The following NR5A2 variants were observed in gnomAD, a reference collection of about 807,000 sequenced individuals.
The protein encoded by NR5A2 is nuclear receptor subfamily 5 group A member 2, also known as CYP7A promoter-binding factor.
In NR5A2, 26 loss-of-function variants were observed where a neutral mutation model predicts 62.7. The ratio of observed to expected loss-of-function variants is 0.41; its 90% CI spans 0.30 to 0.58. NR5A2 has a LOEUF of 0.58. NR5A2 is among the 20% of genes least tolerant of loss of function. NR5A2 has a pLI of 0.22. For synonymous variants in NR5A2, 246 were observed against 241.7 expected (o/e 1.02, Z -0.16); for missense variants, 541 against 669.1 (o/e 0.81, Z 2.11).
intron 7 of NR5A2, among the ~76,000 whole-genome samples, chr1:200,159,994 C>T (rs1653570606): frequency 1.3e-5 from 2 of 152,166 alleles, no homozygotes; most frequent in Non-Finnish European, 2.9e-5. Flanking sequence ...TCTTTAGTTT[C>T]ATGTAAACTT....
At position 200,039,918 on chromosome 1, in the gene NR5A2, C is replaced by T; in HGVS notation, c.202+123C>T. On this transcript the variant is annotated intron_variant, in intron 2 of 7. Transcript: ENST00000367362. The surrounding 1 kb of genome is among the most constrained non-coding windows in gnomAD (Gnocchi z 5.1). ...TAGCCCCGCTGGGCGCTCGCAGCCG[C>T]GGGAGTCAAGCCCCCTCCCCAGGTG... 2 of 1,116,666 alleles carry T rather than the reference C, an allele frequency of 1.8e-6. No individual in the cohort carries two copies. The highest frequency in any genetic ancestry group is 2.4e-6 in the Non-Finnish European group (2 of 825,522). The allele number at this position is 1,116,666 out of a possible 1,614,324, so 69.2% of individuals were successfully genotyped here.
Position 200,076,101 on chromosome 1 carries a change from G to GT in NR5A2, c.1110+27290dup, listed in dbSNP as rs201462053. 9.5e-3 allele frequency among the ~76,000 whole-genome samples: 1,440 copies of GT among 152,210 alleles called. 13 individuals are homozygous for GT. The highest frequency in any genetic ancestry group is 0.026 in the African/African-American group (1,086 of 41,546). Reference sequence around the variant, plus strand: ...CCAAGGACATAATAGACAAGAAACAGTTTTTTTCCTCCCCTTTCTTCAGAA... The same window carrying GT: ...CCAAGGACATAATAGACAAGAAACAGTTTTTTTTCCTCCCCTTTCTTCAGAA... On this transcript the variant is annotated intron_variant, in intron 5 of 7. Transcript: ENST00000367362.
chr1:200,048,163 C>A lies in NR5A2; in HGVS notation c.464-9C>A. The A allele has an allele frequency of 6.3e-7, 1 of 1,584,996 alleles. No homozygotes were observed. The highest frequency in any genetic ancestry group is 1.1e-5 in the South Asian group (1 of 87,312). ...CTTTCCTTCCTTCCCCCCACCCCAC[C>A]CCCAACAGCTGTAAGGGCCGACCGA... On this transcript the variant is annotated splice_polypyrimidine_tract_variant and intron_variant, in intron 4 of 7. Coordinates refer to ENST00000367362, the MANE Select transcript of NR5A2 (RefSeq NM_205860.3). The surrounding 1 kb of genome is among the most constrained non-coding windows in gnomAD (Gnocchi z 4.8).
chr1:200,060,721 C>T (rs1401656104), intron 5 of NR5A2, among the ~76,000 whole-genome samples: 2 of 152,140 alleles, frequency 1.3e-5, no homozygotes, highest in Non-Finnish European at 2.9e-5. Flanking sequence ...ATAATTTTCA[C>T]ATGCTACGTT....
chr1:200,109,529 A>C (rs1665840923), intron 5 of NR5A2, among the ~76,000 whole-genome samples: 1 of 152,128 alleles, frequency 6.6e-6, no homozygotes, highest in Admixed American at 6.6e-5. Flanking sequence ...CTGTGCCTCA[A>C]ATCCTTGTTT....
chr1:200,078,878 C>T (rs980369779), intron 5 of NR5A2, among the ~76,000 whole-genome samples: 7 of 152,098 alleles, frequency 4.6e-5, no homozygotes, highest in African/African-American at 1.2e-4. Flanking sequence ...TTCCTTTTAC[C>T]TTTACAATAA....
At chr1:200,115,486 C>T (rs1035028947) in intron 6 of NR5A2, among the ~76,000 whole-genome samples, 2 of 152,094 alleles carry the variant, frequency 1.3e-5, no homozygotes, top group African/African-American at 4.8e-5. Context: ...TGCAAAATTC[C>T]CCTAAAGGCA....
rs1286950304 is a variant in NR5A2, at chr1:200,039,155, A to T, written c.65-503A>T. Among the ~76,000 whole-genome samples the T allele has an allele frequency of 6.6e-6, 1 of 151,872 alleles. No homozygotes were observed. Among genetic ancestry groups the T allele is most frequent in the East Asian group, 1.9e-4 (1 of 5,166 alleles). The stretch of plus-strand genomic sequence containing the variant: ...TAGTGAGCAAGAGAGAGGCAGAGAG[A>T]GATAGGGGGAAGGGGCGGAGAGGAG... On this transcript the variant is annotated intron_variant, in intron 1 of 7. Coordinates refer to ENST00000367362, the MANE Select transcript of NR5A2 (RefSeq NM_205860.3). This position sits in a 1 kb window ranked among gnomAD's most constrained non-coding sequence, Gnocchi z 5.1.
intron 7 of NR5A2, among the ~76,000 whole-genome samples, chr1:200,135,326 G>A (rs1443735814): frequency 6.6e-6 from 1 of 152,104 alleles, no homozygotes; most frequent in Non-Finnish European, 1.5e-5. Context: ...TTCGAGACCA[G>A]CCTAGCCAAC....
intron 5 of NR5A2, chr1:200,058,292 GTT>G (rs1231967852): frequency 6.6e-6 from 1 of 152,046 alleles, no homozygotes; most frequent in Non-Finnish European, 1.5e-5. Context: ...TAAATGCCCT[GTT>G]TACAGCATGT....
intron 7 of NR5A2, among the ~76,000 whole-genome samples, chr1:200,151,065 G>A (rs1653083239): frequency 6.6e-6 from 1 of 152,134 alleles, no homozygotes. Flanking sequence ...GGAGTGTAAG[G>A]CATTTCAATT....
intron 5 of NR5A2, among the ~76,000 whole-genome samples, chr1:200,081,314 G>T (rs1018759157): frequency 6.6e-6 from 1 of 152,168 alleles, no homozygotes; most frequent in Non-Finnish European, 1.5e-5. Context: ...TCATTTTCAT[G>T]TTTGAAAAGT....
Position 200,060,980 on chromosome 1 carries a change from C to T in NR5A2, c.1110+12162C>T, listed in dbSNP as rs116214294. Among the ~76,000 whole-genome samples the T allele has an allele frequency of 7.8e-3, 1,162 of 149,076 alleles. 14 individuals carry two copies. The highest frequency in any genetic ancestry group is 0.026 in the African/African-American group (1,064 of 40,392). ...AAAAAAAATACAAAAATTAGCCTGG[C>T]ATGGCAGCGGCCACCTGTAATCCCA... On this transcript the variant is annotated intron_variant, in intron 5 of 7. Transcript: ENST00000367362.
chr1:200,070,727 C>T (rs776910592), intron 5 of NR5A2, among the ~76,000 whole-genome samples: 3 of 150,604 alleles, frequency 2.0e-5, no homozygotes, highest in Non-Finnish European at 4.4e-5. Flanking sequence ...AACTTTTAAT[C>T]AAAAATCTGT....
chr1:200,032,102 C>A (rs1477427267), intron 1 of NR5A2, among the ~76,000 whole-genome samples: 1 of 152,168 alleles, frequency 6.6e-6, no homozygotes, highest in Admixed American at 6.5e-5. Context: ...ACTAGGCAGG[C>A]AAGACAACTT....
chr1:200,115,288 G>A (rs527879537), intron 6 of NR5A2, among the ~76,000 whole-genome samples: 5 of 152,228 alleles, frequency 3.3e-5, no homozygotes, highest in African/African-American at 1.2e-4. Flanking sequence ...TATCTTAAAA[G>A]AGGATTTTTC....
At chr1:200,035,959 T>C (rs1285461970) in intron 1 of NR5A2, among the ~76,000 whole-genome samples, 24 of 152,224 alleles carry the variant, frequency 1.6e-4, no homozygotes, top group Non-Finnish European at 1.5e-5. Context: ...GGTTCTAGTC[T>C]CTGGTCTCCG....
At chr1:200,115,347 T>A (rs1171280802) in intron 6 of NR5A2, among the ~76,000 whole-genome samples, 2 of 152,180 alleles carry the variant, frequency 1.3e-5, no homozygotes, top group East Asian at 3.8e-4. Context: ...CATATTGACC[T>A]GCTATCATGG....
chr1:200,144,218 CT>C (rs1667573098), intron 7 of NR5A2, among the ~76,000 whole-genome samples: 1 of 71,626 alleles, frequency 1.4e-5, no homozygotes, highest in African/African-American at 5.1e-5. Context: ...CACTGTTTCT[CT>C]CTCTCTCTCT....
Sources: gnomAD v4.1 joint callset for allele counts (sites outside exome capture counted in the v4.1 genomes callset) on GRCh38, gnomAD v4.1.1 for gene constraint, Gnocchi (gnomAD v3.1) non-coding constraint, MANE v1.5 for transcripts, NCBI Gene and HGNC (gene_info 2026-07-23, HGNC 2026-07-21) for gene names.